Variants in PTBP2 observed in about 807,000 individuals in gnomAD.
PTBP2 encodes polypyrimidine tract binding protein 2, also known as polypyrimidine tract-binding protein 2.
In PTBP2, 13 loss-of-function variants were observed where a neutral mutation model predicts 61.4. That is an observed-to-expected ratio of 0.21 (90% CI 0.14 to 0.34). The LOEUF (loss-of-function observed/expected upper bound fraction) is 0.34. PTBP2 is among the 10% of genes least tolerant of loss of function. The pLI, the probability that PTBP2 is intolerant of heterozygous loss-of-function variation, is 1.00. For missense variants in PTBP2, 405 were observed against 642.6 expected, an observed-to-expected ratio of 0.63 and a Z score of 4.00; for synonymous variants, 215 against 218.5, an observed-to-expected ratio of 0.98 and a Z score of 0.14.
At position 96,777,843 on chromosome 1, in the gene PTBP2, C is replaced by T. The variant is rs1658206561; in HGVS notation, c.605C>T (p.Ser202Phe). The stretch of plus-strand genomic sequence containing the variant: ...ATTTTAATGTTTTAACAGATATTTT[C>T]TAAGTTTGGTGCTGTATTGAAGATA... ...VTLDVLHQIF[S>F]KFGAVLKIIT... Residue 202 changes from serine (S) to phenylalanine (F), a missense_variant, in exon 7 of 14, where the codon TCT (serine) becomes TTT (phenylalanine). By Grantham distance (155) the Ser-to-Phe change is radical. Transcript: ENST00000674951. 2.6e-6 allele frequency: 4 copies of T among 1,564,566 alleles called. No homozygotes were observed. The highest frequency in any genetic ancestry group is 3.5e-6 in the Non-Finnish European group (4 of 1,151,008).
intron 2 of PTBP2, among the ~76,000 whole-genome samples, chr1:96,731,533 G>T (rs1422845371): frequency 6.6e-6 from 1 of 152,094 alleles, no homozygotes; most frequent in Non-Finnish European, 1.5e-5. Context: ...TCCATTTGAT[G>T]TGTAAACATT....
At chr1:96,801,005 GTAAT>G (rs1660933449) in intron 8 of PTBP2, among the ~76,000 whole-genome samples, 1 of 151,982 alleles carries the variant, frequency 6.6e-6, no homozygotes, top group Admixed American at 6.5e-5. Flanking sequence ...TTTTTGGTAA[GTAAT>G]TTTCATTAGA....
At chr1:96,773,149 GTA>G (rs1657595618) in intron 5 of PTBP2, among the ~76,000 whole-genome samples, 1 of 139,966 alleles carries the variant, frequency 7.1e-6, no homozygotes, top group Non-Finnish European at 1.5e-5. Flanking sequence ...AAAAAAAAGA[GTA>G]AAGCTGAGGC....
At chr1:96,759,645 A>G (rs1189235288) in intron 3 of PTBP2, among the ~76,000 whole-genome samples, 1 of 152,254 alleles carries the variant, frequency 6.6e-6, no homozygotes, top group Non-Finnish European at 1.5e-5. Flanking sequence ...TTCTTAAAAT[A>G]GAAAAATCTT....
At chr1:96,792,158 T>C (rs1659917795) in intron 8 of PTBP2, among the ~76,000 whole-genome samples, 1 of 152,144 alleles carries the variant, frequency 6.6e-6, no homozygotes, top group Non-Finnish European at 1.5e-5. Context: ...TTTTATGTAA[T>C]TATTTTGTGA....
downstream of PTBP2, chr1:96,818,649 C>T (rs981224925): frequency 1.3e-5 from 2 of 152,036 alleles, no homozygotes; most frequent in African/African-American, 4.8e-5. Flanking sequence ...TGCATTTGGA[C>T]ATAAGTTGGA....
rs1287267697 is a variant in PTBP2, at chr1:96,785,276, C to T, written c.904+22C>T. ...TTAGGTATGATTTTTATTGTCTTAA[C>T]CACTTTTCTCCCATTTTGCCAAATG... On this transcript the variant is annotated intron_variant, in intron 8 of 13. Transcript: ENST00000674951. 5 of 1,504,240 alleles carry T rather than the reference C, an allele frequency of 3.3e-6. No individual in the cohort carries two copies. The African/African-American group carries it at 4.3e-5, about 13-fold the overall frequency. The allele number at this position is 1,504,240 out of a possible 1,614,324, so 93.2% of individuals were successfully genotyped here. A position where few individuals can be genotyped will look rare whatever the true frequency, so the allele number is the denominator to read the frequency against.
At chr1:96,769,392 C>G (rs1657128927) in intron 3 of PTBP2, among the ~76,000 whole-genome samples, 1 of 151,910 alleles carries the variant, frequency 6.6e-6, no homozygotes, top group East Asian at 1.9e-4. Context: ...TGATTGTATT[C>G]TTTAGTCATT....
At chr1:96,785,319 A>G (rs894247277) in intron 8 of PTBP2, 65 bp downstream of exon 8, 41 of 1,271,118 alleles carry the variant, frequency 3.2e-5, no homozygotes, top group Non-Finnish European at 4.4e-5. Flanking sequence ...ACCAGTAAGT[A>G]TAATGAATCC....
chr1:96,778,167 C>CT lies in PTBP2; in HGVS notation c.708+238dup, dbSNP rs371248551. On this transcript the variant is annotated intron_variant, in intron 7 of 13. Coordinates refer to ENST00000674951, the MANE Select transcript of PTBP2 (RefSeq NM_021190.4). ...CATGATGTGGGTTTCTATTATTTTA[C>CT]TTTTTTTTTTTTTTTTTAATTTAAG... 3.6e-3 allele frequency among the ~76,000 whole-genome samples: 450 copies of CT among 125,284 alleles called. 2 individuals carry two copies. Among genetic ancestry groups the CT allele is most frequent in the African/African-American group, 9.0e-3 (304 of 33,888 alleles). The allele number at this position is 125,284 out of a possible 152,430, so 82.2% of individuals were successfully genotyped here. A position where few individuals can be genotyped will look rare whatever the true frequency, so the allele number is the denominator to read the frequency against.
intron 3 of PTBP2, among the ~76,000 whole-genome samples, chr1:96,764,745 C>T (rs1656461378): frequency 6.6e-6 from 1 of 152,168 alleles, no homozygotes. Flanking sequence ...TTTAACAACT[C>T]ATCTTCTTGC....
rs1656349030 is a variant in PTBP2 at position 96,763,900 on chromosome 1, G to A, written c.116-5803G>A. 2.0e-5 allele frequency among the ~76,000 whole-genome samples: 3 copies of A among 152,200 alleles called. No homozygotes were observed. The South Asian group carries it at 6.2e-4, about 32-fold the overall frequency. On this transcript the variant is annotated intron_variant, in intron 3 of 13. Coordinates refer to ENST00000674951, the MANE Select transcript of PTBP2 (RefSeq NM_021190.4). ...GCTTATAAGAGCAAATAGCATAAAA[G>A]ACCTTTAAAAATTGGTGATTATATT... is the stretch of plus-strand genomic sequence containing the variant.
chr1:96,784,853 C>G, intron 7 of PTBP2: 1 of 454,786 alleles, frequency 2.2e-6, no homozygotes. Context: ...GTTGAAGTAG[C>G]ATTTTCTATT....
downstream of PTBP2, chr1:96,815,839 T>A (rs1362090949): frequency 6.6e-6 from 1 of 152,186 alleles, no homozygotes; most frequent in Non-Finnish European, 1.5e-5. Flanking sequence ...TGTGTTTTTT[T>A]CTTAAAATAA....
intron 2 of PTBP2, among the ~76,000 whole-genome samples, chr1:96,725,907 T>C (rs1035505192): frequency 6.6e-6 from 1 of 150,904 alleles, no homozygotes; most frequent in Non-Finnish European, 1.5e-5. Context: ...AACCCTGTCT[T>C]TACTAAAAAT....
intron 2 of PTBP2, among the ~76,000 whole-genome samples, chr1:96,728,054 A>G (rs557137722): frequency 6.6e-5 from 10 of 152,174 alleles, no homozygotes; most frequent in Admixed American, 1.3e-4. Flanking sequence ...CAGTGGTGCA[A>G]TCGTAGCTCA....
chr1:96,815,367 G>T (rs1662441165), downstream of PTBP2: 1 of 152,106 alleles, frequency 6.6e-6, no homozygotes, highest in Non-Finnish European at 1.5e-5. Flanking sequence ...AGAAAGAGCA[G>T]CATATCTGCA....
chr1:96,751,490 G>C lies in PTBP2; in HGVS notation c.105G>C (p.Met35Ile), dbSNP rs1454900580. Residue 35 changes from methionine to isoleucine, a missense_variant, in exon 3 of 14, where the codon ATG becomes ATC. Coordinates refer to ENST00000674951, the MANE Select transcript of PTBP2 (RefSeq NM_021190.4). Reference sequence around the variant, plus strand: ...GTCCGAACTCTAATATGAGCAGCATGGTAGTTACAGGTAAGTGTTACTCTC... The same window carrying C: ...GTCCGAACTCTAATATGAGCAGCATCGTAGTTACAGGTAAGTGTTACTCTC... ...LSSPNSNMSSMVVTANGNDSK... is the reference protein window; with the variant it reads ...LSSPNSNMSSIVVTANGNDSK... The C allele has an allele frequency of 6.2e-7, 1 of 1,611,396 alleles. No homozygotes were observed. The highest frequency in any genetic ancestry group is 1.7e-5 in the Admixed American group (1 of 59,938).
At chr1:96,746,403 T>A (rs1240689061) in intron 2 of PTBP2, among the ~76,000 whole-genome samples, 1 of 152,158 alleles carries the variant, frequency 6.6e-6, no homozygotes, top group Non-Finnish European at 1.5e-5. Flanking sequence ...TGTCTTACCC[T>A]GATTATTAAT....
Sources: gnomAD v4.1 joint callset for allele counts (sites outside exome capture counted in the v4.1 genomes callset) on GRCh38, gnomAD v4.1.1 for gene constraint, MANE v1.5 for transcripts, NCBI Gene and HGNC (gene_info 2026-07-23, HGNC 2026-07-21) for gene names.